The following TMEM208 variants were observed in gnomAD, a reference collection of about 807,000 sequenced individuals.
The protein encoded by TMEM208 is SRP-independent targeting 2 homolog.
Under a neutral mutation model 26.4 loss-of-function variants are expected in TMEM208, and 19 were observed. The ratio of observed to expected loss-of-function variants is 0.72; its 90% confidence interval spans 0.50 to 1.06. The LOEUF is 1.06. Ranked by LOEUF, TMEM208 falls within the 50% of genes least tolerant of loss-of-function variation. TMEM208 has a pLI of 0.00. For synonymous variants in TMEM208, 93 were observed against 83.1 expected (o/e 1.12, Z -0.65); for missense variants, 183 against 219.8 (o/e 0.83, Z 1.06).
chr16:67,227,605 T>G, intron 1 of TMEM208: 1 of 567,314 alleles, frequency 1.8e-6, no homozygotes, highest in Non-Finnish European at 3.1e-6. Flanking sequence ...TAGGATTGAA[T>G]TGTTCCAGGG....
Position 67,229,214 on chromosome 16 carries a change from A to C in TMEM208, c.*101A>C. ...ATGAGGGTCTAGTCCAGGGGCCAAAAGCAGTCTGAGGTATTGGGTATACTT... is the reference window on the plus strand; with the variant it reads ...ATGAGGGTCTAGTCCAGGGGCCAAACGCAGTCTGAGGTATTGGGTATACTT... On this transcript the variant is annotated 3_prime_UTR_variant, in exon 6 of 6. Transcript: ENST00000304800. 7.9e-7 allele frequency: 1 copy of C among 1,267,610 alleles called. No homozygotes were observed. Among genetic ancestry groups the C allele is most frequent in the Middle Eastern group, 2.8e-4 (1 of 3,512 alleles). The allele number at this position is 1,267,610 out of a possible 1,614,324, so 78.5% of individuals were successfully genotyped here.
intron 4 of TMEM208, 60 bp from the exon 5 acceptor site, chr16:67,228,710 TAACTTGAAAAGGGTGGAAGGGAGTTGC>T (rs1445018309): frequency 5.9e-5 from 92 of 1,547,794 alleles, no homozygotes; most frequent in African/African-American, 6.9e-5. Context: ...CAGCTACTTG[TAACTTGAAAAGGGTGGAAGGGAGTTGC>T]AACTTGAAAA....
In TMEM208 at chr16:67,228,555, G is replaced by C. The variant is rs1297939667; in HGVS notation, c.223G>C (p.Ala75Pro). The stretch of plus-strand genomic sequence containing the variant: ...CAGCTACCACTCTATGAGCTCGATG[G>C]CACGAGCAGCGTTCTCTGAGGATGG... ...GASYHSMSSMARAAFSEDGAL... is the reference protein window; with the variant it reads ...GASYHSMSSMPRAAFSEDGAL... Residue 75 changes from alanine (A) to proline (P), a missense_variant, in exon 4 of 6, where the codon GCA (alanine) becomes CCA (proline). Physicochemically the swap from Ala to Pro is conservative, Grantham distance 27. Transcript: ENST00000304800. The C allele has an allele frequency of 1.2e-6, 2 of 1,610,060 alleles. No individual in the cohort carries two copies. The highest frequency in any genetic ancestry group is 1.7e-6 in the Non-Finnish European group (2 of 1,177,262).
rs1318231726 is a variant in TMEM208, at chr16:67,227,833, C to T, written c.7-3C>T. 2.5e-6 allele frequency: 4 copies of T among 1,603,056 alleles called. No homozygotes were observed. Among genetic ancestry groups the T allele is most frequent in the Middle Eastern group, 3.3e-4 (2 of 6,030 alleles). On this transcript the variant is annotated splice_polypyrimidine_tract_variant and splice_region_variant and intron_variant, in intron 1 of 5. Coordinates refer to ENST00000304800, the MANE Select transcript of TMEM208 (RefSeq NM_014187.4). ...CTGACGGCATCTCATCATTCCTCTG[C>T]AGCCCAAGGGCAAAGTGGGCACGAG...
In TMEM208 at chr16:67,229,095, G is replaced by A; in HGVS notation, c.504G>A (p.Arg168=). 1.2e-6 allele frequency: 2 copies of A among 1,610,112 alleles called. No individual in the cohort carries two copies. Among genetic ancestry groups the A allele is most frequent in the Non-Finnish European group, 1.7e-6 (2 of 1,178,168 alleles). ...AACGGCAGCGCCGACAGGAGCGGCGGCAGATGAAGCGGTTATAGCCATTGA... is the reference window on the plus strand; with the variant it reads ...AACGGCAGCGCCGACAGGAGCGGCGACAGATGAAGCGGTTATAGCCATTGA... The part of the protein sequence containing the change: ...NEKRQRRQER[R]QMKRL The change falls in exon 6 of 6, where the codon CGG becomes CGA. Residue 168 remains arginine (R), a synonymous_variant. Coordinates refer to ENST00000304800, the MANE Select transcript of TMEM208 (RefSeq NM_014187.4).
chr16:67,228,261 C>T, intron 2 of TMEM208, 94 bp from the exon 3 acceptor site: 1 of 1,421,552 alleles, frequency 7.0e-7, no homozygotes, highest in Non-Finnish European at 9.9e-7. Flanking sequence ...CCTTGCTCCT[C>T]CCACAGCCTG....
chr16:67,228,464 G>A, intron 3 of TMEM208, 31 bp from the exon 4 acceptor site: 3 of 1,613,946 alleles, frequency 1.9e-6, no homozygotes, highest in Non-Finnish European at 2.5e-6. Context: ...GTCAGTGGCT[G>A]GCCTTTGATA....
At chr16:67,228,220 C>T in intron 2 of TMEM208, 135 bp from the exon 3 acceptor site, 1 of 981,892 alleles carries the variant, frequency 1.0e-6, no homozygotes, top group Non-Finnish European at 1.6e-6. Flanking sequence ...ATTCAGGGAG[C>T]AGGGCCCTTT....
In TMEM208 at chr16:67,228,487, C is replaced by T. The variant is rs146217436; in HGVS notation, c.163-8C>T. The T allele has an allele frequency of 6.0e-4, 971 of 1,613,912 alleles. 8 individuals carry two copies. The African/African-American group carries it at 0.011, about 19-fold the overall frequency. Reference sequence around the variant, plus strand: ...CTGGCCTTTGATACCCTCATTCTTGCTCTGCAGTTGGCCCTGGGCTTTAGT... The same window carrying T: ...CTGGCCTTTGATACCCTCATTCTTGTTCTGCAGTTGGCCCTGGGCTTTAGT... On this transcript the variant is annotated splice_region_variant and splice_polypyrimidine_tract_variant and intron_variant, in intron 3 of 5. Coordinates refer to ENST00000304800, the MANE Select transcript of TMEM208 (RefSeq NM_014187.4).
intron 5 of TMEM208, 44 bp from the exon 6 acceptor site, chr16:67,228,932 T>G: frequency 6.2e-7 from 1 of 1,611,640 alleles, no homozygotes; most frequent in South Asian, 1.1e-5. Context: ...CCTCCCCATC[T>G]TTTATTCCCT....
At chr16:67,228,669 C>T (rs759489566) in intron 4 of TMEM208, 38 bp downstream of exon 4, 23 of 1,543,412 alleles carry the variant, frequency 1.5e-5, no homozygotes, top group African/African-American at 8.3e-5. Flanking sequence ...TGAGCGGCCC[C>T]AGGGCTGGGG....
chr16:67,228,869 C>T lies in TMEM208; in HGVS notation c.372C>T (p.Ser124=), dbSNP rs2034130053. ...GCTGCTTCTCTCTCTATGTCTGGTC[C>T]TTCTGGCTTCTGGTATGTGGGCTGG... ...VLSCFSLYVW[S]FWLLAPGRAL... The change falls in exon 5 of 6, where the codon TCC becomes TCT. Residue 124 remains serine (S), a synonymous_variant. Coordinates refer to ENST00000304800, the MANE Select transcript of TMEM208 (RefSeq NM_014187.4). 1 of 1,613,972 alleles carries T rather than the reference C, an allele frequency of 6.2e-7. No individual in the cohort carries two copies. Among genetic ancestry groups the T allele is most frequent in the Non-Finnish European group, 8.5e-7 (1 of 1,179,868 alleles).
At position 67,228,837 on chromosome 16, in the gene TMEM208, G is replaced by A. The variant is rs372965773; in HGVS notation, c.340G>A (p.Val114Met). 7 of 1,613,856 alleles carry A rather than the reference G, an allele frequency of 4.3e-6. No individual in the cohort carries two copies. Among genetic ancestry groups the A allele is most frequent in the African/African-American group, 4.0e-5 (3 of 74,910 alleles). The change falls in exon 5 of 6, where the codon GTG becomes ATG. Residue 114 changes from valine to methionine, a missense_variant. By Grantham distance (21) the Val-to-Met change is conservative. Transcript: ENST00000304800. Reference protein sequence around the residue: ...DVILLTAIVQVLSCFSLYVWS... With the variant: ...DVILLTAIVQMLSCFSLYVWS... ...GATCCTACTGACAGCCATCGTGCAG[G>A]TGCTCAGCTGCTTCTCTCTCTATGT...
chr16:67,228,837 G>C lies in TMEM208; in HGVS notation c.340G>C (p.Val114Leu), dbSNP rs372965773. The C allele has an allele frequency of 3.1e-6, 5 of 1,613,856 alleles. No homozygotes were observed. In the African/African-American group the frequency reaches 6.7e-5, roughly 22 times the overall value. Reference sequence around the variant, plus strand: ...GATCCTACTGACAGCCATCGTGCAGGTGCTCAGCTGCTTCTCTCTCTATGT... The same window carrying C: ...GATCCTACTGACAGCCATCGTGCAGCTGCTCAGCTGCTTCTCTCTCTATGT... Reference protein sequence around the residue: ...DVILLTAIVQVLSCFSLYVWS... With the variant: ...DVILLTAIVQLLSCFSLYVWS... The change falls in exon 5 of 6, where the codon GTG becomes CTG. Residue 114 changes from valine (V) to leucine (L), a missense_variant. By Grantham distance (32) the Val-to-Leu change is conservative (BLOSUM62 1). Coordinates refer to ENST00000304800, the MANE Select transcript of TMEM208 (RefSeq NM_014187.4).
rs1314798971 is a variant in TMEM208 at position 67,228,787 on chromosome 16, C to T, written c.300-10C>T. ...ATATGCTGTCTTTCCAGCTTTATTT[C>T]TATCCACAGGCACCTTAAGGATGTG... On this transcript the variant is annotated splice_polypyrimidine_tract_variant and intron_variant, in intron 4 of 5. Transcript: ENST00000304800. The T allele has an allele frequency of 6.2e-7, 1 of 1,608,272 alleles. No homozygotes were observed. The highest frequency in any genetic ancestry group is 1.7e-5 in the Admixed American group (1 of 58,404).
intron 4 of TMEM208, 71 bp downstream of exon 4, chr16:67,228,702 G>A (rs1313554403): frequency 6.5e-7 from 1 of 1,546,120 alleles, no homozygotes; most frequent in Non-Finnish European, 8.7e-7. Context: ...AAGAAGCACA[G>A]CTACTTGTAA....
chr16:67,229,057 G>C lies in TMEM208; in HGVS notation c.466G>C (p.Glu156Gln), dbSNP rs770995133. The C allele has an allele frequency of 1.9e-6, 3 of 1,613,208 alleles. No homozygotes were observed. The highest frequency in any genetic ancestry group is 2.5e-6 in the Non-Finnish European group (3 of 1,179,476). Reference sequence around the variant, plus strand: ...TGCAGACAGTGGCACCCCAGCACCAGAGCACAATGAGAAACGGCAGCGCCG... The same window carrying C: ...TGCAGACAGTGGCACCCCAGCACCACAGCACAATGAGAAACGGCAGCGCCG... ...FTADSGTPAP[E>Q]HNEKRQRRQE... The change falls in exon 6 of 6, where the codon GAG (glutamate) becomes CAG (glutamine). Residue 156 changes from glutamate to glutamine, a missense_variant. By Grantham distance (29) the Glu-to-Gln change is conservative (BLOSUM62 2). Transcript: ENST00000304800.
Position 67,227,498 on chromosome 16 carries a change from C to A in TMEM208, c.6+274C>A, listed in dbSNP as rs1459323949. The A allele has an allele frequency of 2.3e-5, 13 of 561,468 alleles. 1 individual carries two copies. The South Asian group carries it at 2.9e-4, about 12-fold the overall frequency. The allele number at this position is 561,468 out of a possible 1,614,324, so 34.8% of individuals were successfully genotyped here. On this transcript the variant is annotated intron_variant, in intron 1 of 5. Transcript: ENST00000304800. ...CAGATCGGGACTACGCCAGCGGAGG[C>A]CTGAGAGAGGCACCATTCAACTCCG...
intron 1 of TMEM208, chr16:67,227,468 T>G: frequency 1.7e-6 from 1 of 584,868 alleles, no homozygotes; most frequent in South Asian, 2.2e-5. Flanking sequence ...AGGTGGGGGT[T>G]AACCCAGATC....
Sources: gnomAD v4.1 joint callset for allele counts on GRCh38, gnomAD v4.1.1 for gene constraint, MANE v1.5 for transcripts, NCBI Gene and HGNC (gene_info 2026-07-23, HGNC 2026-07-21) for gene names.